SSTR3: variants seen among roughly 807,000 people sequenced by gnomAD.
The protein encoded by SSTR3 is somatostatin receptor 3, also known as somatostatin receptor type 3.
For synonymous variants in SSTR3, 281 were observed against 269.2 expected, an observed-to-expected ratio of 1.04 and a Z score of -0.43; for missense variants, 504 against 604.7, an observed-to-expected ratio of 0.83 and a Z score of 1.75.
the SSTR3 span, among the ~76,000 whole-genome samples, chr22:37,218,024 C>T: frequency 6.6e-6 from 1 of 152,222 alleles, no homozygotes; most frequent in Non-Finnish European, 1.5e-5. Context: ...TGATTTCTGC[C>T]TGCTCTTTGC....
chr22:37,219,321 G>A, the SSTR3 span, among the ~76,000 whole-genome samples: 35 of 152,170 alleles, frequency 2.3e-4, no homozygotes, highest in African/African-American at 1.7e-4. Context: ...CTGCTGGTGC[G>A]CAAGGGGCTG....
At chr22:37,216,124 C>T (rs772649775), upstream of SSTR3, among the ~76,000 whole-genome samples, 4 of 152,044 alleles carry the variant, frequency 2.6e-5, no homozygotes, top group East Asian at 1.9e-4. Context: ...ACTGAAACTG[C>T]GCTAAGTGGA....
At chr22:37,215,921 C>T (rs545256423), upstream of SSTR3, 9 of 236,666 alleles carry the variant, frequency 3.8e-5, no homozygotes, top group African/African-American at 1.9e-4. Context: ...CCACACACCA[C>T]GATGGTGGAG....
At position 37,206,913 on chromosome 22, in the gene SSTR3, C is replaced by T. The variant is rs375587837; in HGVS notation, c.891G>A (p.Leu297=). 2.3e-5 allele frequency: 37 copies of T among 1,613,404 alleles called. No individual in the cohort carries two copies. The highest frequency in any genetic ancestry group is 1.6e-4 in the Middle Eastern group (1 of 6,082). ...TGTTGGCATAGGGCAGCGCCACCACCAGGAAGTAGAGCCCAAAGAAGGCAG... is the reference window on the plus strand; with the variant it reads ...TGTTGGCATAGGGCAGCGCCACCACTAGGAAGTAGAGCCCAAAGAAGGCAG... The part of the protein sequence containing the change: ...EEPAFFGLYF[L]VVALPYANSC... The change falls in exon 2 of 2, where the codon CTG becomes CTA. Residue 297 remains leucine, a synonymous_variant. Coordinates refer to ENST00000610913, the MANE Select transcript of SSTR3 (RefSeq NM_001051.5).
chr22:37,219,832 C>T, the SSTR3 span, among the ~76,000 whole-genome samples: 6 of 152,114 alleles, frequency 3.9e-5, no homozygotes, highest in African/African-American at 7.2e-5. Flanking sequence ...TCAGCTAGGC[C>T]GGCACATCCA....
intron 1 of SSTR3, among the ~76,000 whole-genome samples, chr22:37,211,253 G>A (rs1312508249): frequency 2.0e-5 from 3 of 152,160 alleles, no homozygotes; most frequent in Non-Finnish European, 4.4e-5. Flanking sequence ...TCCCCCCAAA[G>A]ACACCTGGCT....
At chr22:37,216,250 G>A (rs1926440237), upstream of SSTR3, among the ~76,000 whole-genome samples, 1 of 123,922 alleles carries the variant, frequency 8.1e-6, no homozygotes, top group East Asian at 2.6e-4. Flanking sequence ...CCTCAGTTAA[G>A]CTCTTTCTCG....
intron 1 of SSTR3, among the ~76,000 whole-genome samples, chr22:37,209,154 C>T (rs1196748165): frequency 6.6e-6 from 1 of 152,246 alleles, no homozygotes; most frequent in Non-Finnish European, 1.5e-5. Context: ...CCTGCACTTC[C>T]TCCCTCCAAT....
chr22:37,215,744 A>C (rs553527274), upstream of SSTR3: 12 of 266,090 alleles, frequency 4.5e-5, no homozygotes, highest in Admixed American at 2.2e-4. Context: ...TTCCTTATAG[A>C]CCCAGCTTGG....
At chr22:37,209,744 G>A (rs1038403070) in intron 1 of SSTR3, among the ~76,000 whole-genome samples, 2 of 152,218 alleles carry the variant, frequency 1.3e-5, no homozygotes, top group African/African-American at 4.8e-5. Context: ...AAGATCTGTA[G>A]TGACCACCTC....
Position 37,212,233 on chromosome 22 carries a change from G to A in SSTR3, c.-445C>T. 5.3e-6 allele frequency: 4 copies of A among 749,296 alleles called. No homozygotes were observed. The highest frequency in any genetic ancestry group is 6.3e-5 in the Admixed American group (1 of 15,896). The allele number at this position is 749,296 out of a possible 1,614,324, so 46.4% of individuals were successfully genotyped here. A position where few individuals can be genotyped will look rare whatever the true frequency, so the allele number is the denominator to read the frequency against. The stretch of plus-strand genomic sequence containing the variant: ...AAAGAGAGAGAGAGAGAAAGAGGGA[G>A]GGGGAGAGAGAGAGAGGGAGAGGGA... On this transcript the variant is annotated 5_prime_UTR_variant, in exon 1 of 2. Transcript: ENST00000610913.
rs138495835 is a variant in SSTR3 at position 37,207,310 on chromosome 22, G to A, written c.494C>T (p.Ala165Val). The change falls in exon 2 of 2, where the codon GCG (alanine) becomes GTG (valine). Residue 165 changes from alanine (A) to valine (V), a missense_variant. Physicochemically the swap from Ala to Val is moderately conservative, Grantham distance 64. Coordinates refer to ENST00000610913, the MANE Select transcript of SSTR3 (RefSeq NM_001051.5). ...RTAPVARTVS[A>V]AVWVASAVVV... ...CACGGCTGAGGCCACCCACACAGCC[G>A]CGCTGACCGTGCGGGCCACCGGAGC... 3.3e-4 allele frequency: 525 copies of A among 1,594,520 alleles called. 1 individual carries two copies. The highest frequency in any genetic ancestry group is 6.7e-4 in the Middle Eastern group (4 of 5,990).
At position 37,206,550 on chromosome 22, in the gene SSTR3, C is replaced by T. The variant is rs768330221; in HGVS notation, c.1254G>A (p.Leu418=). ...CATCCTGGCTTTCCCCAGGCCCCTA[C>T]AGGTAGCTGATGCGCATCGTGCTGG... ...EKSSTMRISY[L] is the part of the protein sequence containing the mutation. The change falls in exon 2 of 2, where the codon CTG becomes CTA. Residue 418 remains leucine, a synonymous_variant. Coordinates refer to ENST00000610913, the MANE Select transcript of SSTR3 (RefSeq NM_001051.5). 1.2e-6 allele frequency: 2 copies of T among 1,602,158 alleles called. No individual in the cohort carries two copies. The highest frequency in any genetic ancestry group is 1.1e-5 in the South Asian group (1 of 90,336).
chr22:37,207,769 G>T lies in SSTR3; in HGVS notation c.35C>A (p.Thr12Asn). 1.3e-6 allele frequency: 2 copies of T among 1,515,046 alleles called. No individual in the cohort carries two copies. The highest frequency in any genetic ancestry group is 1.8e-6 in the Non-Finnish European group (2 of 1,131,190). 93.9% of individuals were successfully genotyped at this position (1,515,046 alleles called of 1,614,324 possible). ...CGAGGAGGCATTCTCAGGTTCTGAGGTCGTGGACACCGATGATGGATGAAG... is the reference window on the plus strand; with the variant it reads ...CGAGGAGGCATTCTCAGGTTCTGAGTTCGTGGACACCGATGATGGATGAAG... ...DMLHPSSVST[T>N]SEPENASSAW... Residue 12 changes from threonine to asparagine, a missense_variant, in exon 2 of 2, where the codon ACC becomes AAC. Transcript: ENST00000610913.
At chr22:37,219,284 C>T in the SSTR3 span, among the ~76,000 whole-genome samples, 1,425 of 152,312 alleles carry the variant, frequency 9.4e-3, 28 homozygotes, top group African/African-American at 0.032. Context: ...TCTATTTACA[C>T]GTCTGTCTCT....
rs527832440 is a variant in SSTR3, at chr22:37,206,812, G to A, written c.992C>T (p.Pro331Leu). The A allele has an allele frequency of 1.2e-6, 2 of 1,612,574 alleles. No individual in the cohort carries two copies. Among genetic ancestry groups the A allele is most frequent in the African/African-American group, 1.3e-5 (1 of 75,068 alleles). ...CTCCTGGCTGCGCACACGGCGGGAG[G>A]GCCGCAGCAGGACCCTGCGGAAGCC... ...KQGFRRVLLR[P>L]SRRVRSQEPT... Residue 331 changes from proline (P) to leucine (L), a missense_variant, in exon 2 of 2, where the codon CCC (proline) becomes CTC (leucine). Transcript: ENST00000610913.
chr22:37,208,457 T>C (rs1925986103), intron 1 of SSTR3, among the ~76,000 whole-genome samples: 1 of 152,028 alleles, frequency 6.6e-6, no homozygotes, highest in African/African-American at 2.4e-5. Context: ...CATCCCACTG[T>C]GCCCCTCCCA....
chr22:37,209,297 C>A (rs1926048266), intron 1 of SSTR3, among the ~76,000 whole-genome samples: 1 of 152,222 alleles, frequency 6.6e-6, no homozygotes, highest in African/African-American at 2.4e-5. Context: ...GGACCTGGGG[C>A]TGCAGCGGGC....
At position 37,207,162 on chromosome 22, in the gene SSTR3, G is replaced by T. The variant is rs1236520983; in HGVS notation, c.642C>A (p.Gly214=). ...AGFIIYTAAL[G]FFGPLLVICL... is the part of the protein sequence containing the mutation. ...AGATGACCAGCAGCGGCCCGAAGAA[G>T]CCCAGTGCGGCCGTGTAGATGATGA... Residue 214 remains glycine (G), a synonymous_variant, in exon 2 of 2, where the codon GGC becomes GGA. Coordinates refer to ENST00000610913, the MANE Select transcript of SSTR3 (RefSeq NM_001051.5). The T allele has an allele frequency of 1.2e-6, 2 of 1,612,342 alleles. No homozygotes were observed. Among genetic ancestry groups the T allele is most frequent in the African/African-American group, 1.3e-5 (1 of 74,930 alleles).
Sources: gnomAD v4.1 joint callset for allele counts (sites outside exome capture counted in the v4.1 genomes callset) on GRCh38, gnomAD v4.1.1 for gene constraint, MANE v1.5 for transcripts, NCBI Gene and HGNC (gene_info 2026-07-23, HGNC 2026-07-21) for gene names.